Variants in VAC14 observed in about 807,000 individuals in gnomAD.
VAC14 encodes the protein protein VAC14 homolog.
A neutral mutation model predicts 85.3 loss-of-function variants in VAC14; 47 were observed. The ratio of observed to expected loss-of-function variants is 0.55; its 90% CI spans 0.44 to 0.70. VAC14 has a LOEUF of 0.70. Ranked by LOEUF, VAC14 falls within the 30% of genes least tolerant of loss-of-function variation. The probability of loss-of-function intolerance (pLI) is 0.00; values close to 1 mark genes in which losing one functional copy is unlikely to be tolerated. For synonymous variants in VAC14, 447 were observed against 430.5 expected (o/e 1.04, Z -0.47); for missense variants, 861 against 1,004.3 (o/e 0.86, Z 1.93).
chr16:70,701,807 C>G (rs1236717640), intron 14 of VAC14, among the ~76,000 whole-genome samples: 2 of 152,216 alleles, frequency 1.3e-5, no homozygotes, highest in South Asian at 2.1e-4. Context: ...TCTTGCTGTC[C>G]CTCCTCCACT....
intron 14 of VAC14, among the ~76,000 whole-genome samples, chr16:70,719,615 G>T (rs868398848): frequency 6.6e-4 from 100 of 152,300 alleles, no homozygotes; most frequent in African/African-American, 2.9e-4. Flanking sequence ...ACTAAGCTAT[G>T]AAAAGTTGTT....
chr16:70,711,945 T>A (rs1230103940), intron 14 of VAC14, among the ~76,000 whole-genome samples: 1 of 152,052 alleles, frequency 6.6e-6, no homozygotes, highest in Non-Finnish European at 1.5e-5. Context: ...GGTAAAAAGA[T>A]CAGAGTCTCA....
At chr16:70,788,278 C>T (rs999271217) in intron 1 of VAC14, among the ~76,000 whole-genome samples, 3 of 152,152 alleles carry the variant, frequency 2.0e-5, no homozygotes, top group East Asian at 1.9e-4. Flanking sequence ...GGCAGTGGTT[C>T]GGTAAAGATT....
intron 12 of VAC14, chr16:70,747,505 G>A (rs1013146756): frequency 2.2e-5 from 3 of 138,688 alleles, no homozygotes; most frequent in Non-Finnish European, 4.5e-5. Flanking sequence ...ACAAAAAAAG[G>A]GCGGGGGGGG....
chr16:70,725,649 C>T (rs1477535415), intron 14 of VAC14, among the ~76,000 whole-genome samples: 1 of 152,168 alleles, frequency 6.6e-6, no homozygotes, highest in Non-Finnish European at 1.5e-5. Flanking sequence ...GGACAGGCTG[C>T]CACGCCTGTC....
At chr16:70,796,639 G>A (rs1383594367) in intron 1 of VAC14, among the ~76,000 whole-genome samples, 1 of 152,186 alleles carries the variant, frequency 6.6e-6, no homozygotes, top group African/African-American at 2.4e-5. Flanking sequence ...CGCCCATAGG[G>A]CAGCGATGCA....
chr16:70,723,562 C>T (rs2054348943), intron 14 of VAC14, among the ~76,000 whole-genome samples: 1 of 152,238 alleles, frequency 6.6e-6, no homozygotes, highest in Non-Finnish European at 1.5e-5. Flanking sequence ...TCCAAGTTTC[C>T]TGGCATCCTT....
chr16:70,789,497 C>A (rs2034228846), intron 1 of VAC14, among the ~76,000 whole-genome samples: 1 of 152,110 alleles, frequency 6.6e-6, no homozygotes, highest in African/African-American at 2.4e-5. Context: ...CACAGCTGCT[C>A]ACATCTGGGG....
At chr16:70,701,107 T>C (rs759796468) in intron 14 of VAC14, among the ~76,000 whole-genome samples, 1 of 152,144 alleles carries the variant, frequency 6.6e-6, no homozygotes, top group African/African-American at 2.4e-5. Context: ...ACTCTTCTCT[T>C]GCCACCAGTG....
At chr16:70,723,044 C>T (rs893356931) in intron 14 of VAC14, among the ~76,000 whole-genome samples, 7 of 151,950 alleles carry the variant, frequency 4.6e-5, no homozygotes, top group African/African-American at 1.7e-4. Context: ...GGTGAAACCC[C>T]ATCTCTACTA....
intron 10 of VAC14, chr16:70,766,609 C>T (rs1480992573): frequency 6.7e-6 from 3 of 446,240 alleles, no homozygotes; most frequent in East Asian, 7.0e-5. Flanking sequence ...AGAGGCAGTA[C>T]GGGACCCATC....
rs550643748 is a variant in VAC14 at position 70,763,290 on chromosome 16, T to A, written c.1161-265A>T. 2.0e-5 allele frequency among the ~76,000 whole-genome samples: 3 copies of A among 152,302 alleles called. No homozygotes were observed. In the South Asian group the frequency reaches 6.2e-4, roughly 32 times the overall value. ...GGAGCTTGCTGCTGGGCTGGAACCA[T>A]GATAACCATGTTTTGGGGGATGAGG... is the stretch of plus-strand genomic sequence containing the variant. On this transcript the variant is annotated intron_variant, in intron 10 of 18. Coordinates refer to ENST00000261776, the MANE Select transcript of VAC14 (RefSeq NM_018052.5).
intron 9 of VAC14, among the ~76,000 whole-genome samples, chr16:70,774,326 C>G (rs571464431): frequency 1.3e-5 from 2 of 152,272 alleles, no homozygotes; most frequent in South Asian, 4.1e-4. Context: ...TTGGGTTGGT[C>G]TCACGTTTTC....
intron 18 of VAC14, chr16:70,689,398 C>T: frequency 1.0e-6 from 1 of 985,296 alleles, no homozygotes. Flanking sequence ...AAAAGGAGCT[C>T]CCCCAAAACG....
intron 13 of VAC14, among the ~76,000 whole-genome samples, chr16:70,737,463 C>T (rs2054795384): frequency 6.6e-6 from 1 of 152,200 alleles, no homozygotes; most frequent in Non-Finnish European, 1.5e-5. Flanking sequence ...GTGGGATTTC[C>T]ATTCCCCAAT....
intron 3 of VAC14, 82 bp downstream of exon 3, chr16:70,785,616 GGGAA>G: frequency 6.9e-7 from 1 of 1,446,788 alleles, no homozygotes; most frequent in Non-Finnish European, 9.2e-7. Flanking sequence ...GCTTGCATCT[GGGAA>G]AAGGGGTCCA....
intron 10 of VAC14, chr16:70,766,631 G>A (rs1340030951): frequency 2.9e-5 from 12 of 412,372 alleles, no homozygotes; most frequent in Non-Finnish European, 4.4e-5. Context: ...GAGACCATGA[G>A]GCCATGTACC....
intron 13 of VAC14, among the ~76,000 whole-genome samples, chr16:70,739,809 A>C (rs1306628192): frequency 6.6e-6 from 1 of 152,228 alleles, no homozygotes; most frequent in Non-Finnish European, 1.5e-5. Context: ...TGGTGACATG[A>C]AGATGCTGCT....
intron 18 of VAC14, chr16:70,691,587 ACCTGGCAGCAC>A: frequency 1.0e-6 from 1 of 985,416 alleles, no homozygotes; most frequent in Non-Finnish European, 1.2e-6. Flanking sequence ...TCTGGGGACC[ACCTGGCAGCAC>A]CCTGAGCAGC....
Sources: allele counts gnomAD v4.1 joint callset (sites outside exome capture counted in the v4.1 genomes callset), GRCh38; gene constraint gnomAD v4.1.1; transcripts MANE v1.5; gene names NCBI Gene and HGNC (gene_info 2026-07-23, HGNC 2026-07-21).